OR56B1: variants seen among roughly 807,000 people sequenced by gnomAD.
The protein encoded by OR56B1 is olfactory receptor family 56 subfamily B member 1.
Under a neutral mutation model 11.4 loss-of-function variants are expected in OR56B1, and 13 were observed. The ratio of observed to expected loss-of-function variants is 1.14; its 90% CI spans 0.74 to 1.81. The LOEUF is 1.81. Ranked by LOEUF, OR56B1 falls within the 40% of genes most tolerant of loss-of-function variation. The pLI is 0.00. For synonymous variants in OR56B1, 158 were observed against 143.6 expected (o/e 1.10, Z -0.72); for missense variants, 434 against 379.3 (o/e 1.14, Z -1.20).
chr11:5,738,255 G>A lies in OR56B1; in HGVS notation c.*764G>A, dbSNP rs1364153712. 1 of 152,192 alleles carries A rather than the reference G, an allele frequency of 6.6e-6. No homozygotes were observed. The highest frequency in any genetic ancestry group is 1.9e-4 in the East Asian group (1 of 5,176). The allele number at this position is 152,192 out of a possible 1,614,324, so 9.4% of individuals were successfully genotyped here. The stretch of plus-strand genomic sequence containing the variant: ...TAGTTCAAGAGGAGACAGCATTTGG[G>A]CTATTTATTATTCTACTCCCAGCCT... On this transcript the variant is annotated 3_prime_UTR_variant, in exon 1 of 1. Transcript: ENST00000317121.
At position 5,736,963 on chromosome 11, in the gene OR56B1, A is replaced by C. The variant is rs1853925638; in HGVS notation, c.447A>C (p.Leu149Phe). ...ATCCATCAATTGTCACCAGTTCCTTAATCTTAAAAGCTACCCTGTTCATGG... is the reference window on the plus strand; with the variant it reads ...ATCCATCAATTGTCACCAGTTCCTTCATCTTAAAAGCTACCCTGTTCATGG... ...LRYPSIVTSS[L>F]ILKATLFMVL... Residue 149 changes from leucine to phenylalanine, a missense_variant, in exon 1 of 1, where the codon TTA (leucine) becomes TTC (phenylalanine). Leu to Phe is a conservative substitution (Grantham distance 22). Coordinates refer to ENST00000317121, the MANE Select transcript of OR56B1 (RefSeq NM_001005180.3). The C allele has an allele frequency of 1.2e-6, 2 of 1,613,930 alleles. No homozygotes were observed. The highest frequency in any genetic ancestry group is 2.7e-5 in the African/African-American group (2 of 74,908).
rs756130097 is a variant in OR56B1, at chr11:5,736,724, A to T, written c.208A>T (p.Ile70Phe). The T allele has an allele frequency of 1.2e-6, 2 of 1,613,964 alleles. No individual in the cohort carries two copies. The highest frequency in any genetic ancestry group is 1.7e-6 in the Non-Finnish European group (2 of 1,179,964). The change falls in exon 1 of 1, where the codon ATT becomes TTT. Residue 70 changes from isoleucine to phenylalanine, a missense_variant. By Grantham distance (21) the Ile-to-Phe change is conservative. Transcript: ENST00000317121. ...QNPSLQQPMY[I>F]FLGILCMVDM... Reference sequence around the variant, plus strand: ...CCCTTCTTTACAGCAGCCCATGTATATTTTCCTTGGCATCCTCTGTATGGT... The same window carrying T: ...CCCTTCTTTACAGCAGCCCATGTATTTTTTCCTTGGCATCCTCTGTATGGT...
Position 5,737,162 on chromosome 11 carries a change from A to C in OR56B1, c.646A>C (p.Met216Leu). 6.2e-7 allele frequency: 1 copy of C among 1,614,020 alleles called. No individual in the cohort carries two copies. Among genetic ancestry groups the C allele is most frequent in the Non-Finnish European group, 8.5e-7 (1 of 1,179,992 alleles). The change falls in exon 1 of 1, where the codon ATG (methionine) becomes CTG (leucine). Residue 216 changes from methionine to leucine, a missense_variant. By Grantham distance (15) the Met-to-Leu change is conservative. Coordinates refer to ENST00000317121, the MANE Select transcript of OR56B1 (RefSeq NM_001005180.3). Reference protein sequence around the residue: ...ICQLVLAWLGMGSDLSLIILS... With the variant: ...ICQLVLAWLGLGSDLSLIILS... ...CCAGTTGGTTCTGGCATGGCTTGGA[A>C]TGGGGAGTGATCTAAGTCTTATTAT... is the stretch of plus-strand genomic sequence containing the variant.
At position 5,737,343 on chromosome 11, in the gene OR56B1, A is replaced by G; in HGVS notation, c.827A>G (p.Lys276Arg). 1 of 1,614,098 alleles carries G rather than the reference A, an allele frequency of 6.2e-7. No individual in the cohort carries two copies. The highest frequency in any genetic ancestry group is 1.1e-5 in the South Asian group (1 of 91,080). Residue 276 changes from lysine to arginine, a missense_variant, in exon 1 of 1, where the codon AAG (lysine) becomes AGG (arginine). Physicochemically the swap from Lys to Arg is conservative, Grantham distance 26. Coordinates refer to ENST00000317121, the MANE Select transcript of OR56B1 (RefSeq NM_001005180.3). ...TCAGTGACTCATCTGACAGAGATGA[A>G]GGCTACTTTGATTCCAGTTCTACTT... ...VISVTHLTEMKATLIPVLLNV... is the reference protein window; with the variant it reads ...VISVTHLTEMRATLIPVLLNV...
In OR56B1 at chr11:5,737,073, G is replaced by C; in HGVS notation, c.557G>C (p.Cys186Ser). Residue 186 changes from cysteine to serine, a missense_variant, in exon 1 of 1, where the codon TGC becomes TCC. By Grantham distance (112) the Cys-to-Ser change is moderately radical. Coordinates refer to ENST00000317121, the MANE Select transcript of OR56B1 (RefSeq NM_001005180.3). ...DYCSKNEIEH[C>S]LCSNLGVTSL... Reference sequence around the variant, plus strand: ...TGCTCCAAGAATGAAATTGAACACTGCCTGTGCTCTAACCTTGGGGTCACA... The same window carrying C: ...TGCTCCAAGAATGAAATTGAACACTCCCTGTGCTCTAACCTTGGGGTCACA... 2 of 1,614,060 alleles carry C rather than the reference G, an allele frequency of 1.2e-6. No individual in the cohort carries two copies. The highest frequency in any genetic ancestry group is 1.3e-5 in the African/African-American group (1 of 75,032).
At position 5,736,792 on chromosome 11, in the gene OR56B1, C is replaced by T; in HGVS notation, c.276C>T (p.Ala92=). 8 of 1,614,044 alleles carry T rather than the reference C, an allele frequency of 5.0e-6. No homozygotes were observed. The highest frequency in any genetic ancestry group is 6.8e-6 in the Non-Finnish European group (8 of 1,180,006). ...LATTIIPKIL[A]IFWFDAKVIS... is the part of the protein sequence containing the mutation. ...CTACTATCATCCCTAAGATCCTGGC[C>T]ATCTTCTGGTTTGATGCCAAGGTTA... Residue 92 remains alanine, a synonymous_variant, in exon 1 of 1, where the codon GCC becomes GCT. Transcript: ENST00000317121.
Position 5,737,658 on chromosome 11 carries a change from A to C in OR56B1, c.*167A>C. 1 of 560,626 alleles carries C rather than the reference A, an allele frequency of 1.8e-6. No homozygotes were observed. The highest frequency in any genetic ancestry group is 4.4e-5 in the South Asian group (1 of 22,746). The allele number at this position is 560,626 out of a possible 1,614,324, so 34.7% of individuals were successfully genotyped here. The stretch of plus-strand genomic sequence containing the variant: ...GATACAAAAAATCACAGTAGCCTAA[A>C]ATATTGACAAAAGCTAAATATTTAA... On this transcript the variant is annotated 3_prime_UTR_variant, in exon 1 of 1. Transcript: ENST00000317121.
chr11:5,736,869 G>A lies in OR56B1; in HGVS notation c.353G>A (p.Gly118Asp). The A allele has an allele frequency of 1.2e-6, 2 of 1,613,938 alleles. No homozygotes were observed. The highest frequency in any genetic ancestry group is 1.7e-6 in the Non-Finnish European group (2 of 1,179,962). The change falls in exon 1 of 1, where the codon GGC becomes GAC. Residue 118 changes from glycine to aspartate, a missense_variant. Coordinates refer to ENST00000317121, the MANE Select transcript of OR56B1 (RefSeq NM_001005180.3). ...ATTTATGCCATTCACTTCTTTGTGG[G>A]CATGGAGTCTGGTATCCTACTCTGC... ...AQIYAIHFFV[G>D]MESGILLCMA...
chr11:5,737,105 G>T lies in OR56B1; in HGVS notation c.589G>T (p.Ala197Ser), dbSNP rs1853931588. The change falls in exon 1 of 1, where the codon GCT becomes TCT. Residue 197 changes from alanine (A) to serine (S), a missense_variant. By Grantham distance (99) the Ala-to-Ser change is moderately conservative (BLOSUM62 1). Transcript: ENST00000317121. ...LCSNLGVTSLACDDRRPNSIC... is the reference protein window; with the variant it reads ...LCSNLGVTSLSCDDRRPNSIC... ...CTCTAACCTTGGGGTCACAAGCCTG[G>T]CTTGTGATGACAGGAGGCCAAACAG... The T allele has an allele frequency of 1.9e-6, 3 of 1,613,926 alleles. No homozygotes were observed. The highest frequency in any genetic ancestry group is 1.1e-5 in the South Asian group (1 of 91,086).
In OR56B1 at chr11:5,736,772, A is replaced by G. The variant is rs74051091; in HGVS notation, c.256A>G (p.Ile86Val). 1.2e-3 allele frequency: 2,016 copies of G among 1,613,946 alleles called. 15 individuals are homozygous for G. In the African/African-American group the frequency reaches 0.022, roughly 18 times the overall value. ...GGTAGACATGGGTCTGGCCACTACT[A>G]TCATCCCTAAGATCCTGGCCATCTT... ...CMVDMGLATTIIPKILAIFWF... is the reference protein window; with the variant it reads ...CMVDMGLATTVIPKILAIFWF... Residue 86 changes from isoleucine (I) to valine (V), a missense_variant, in exon 1 of 1, where the codon ATC (isoleucine) becomes GTC (valine). Physicochemically the swap from Ile to Val is conservative, Grantham distance 29. Coordinates refer to ENST00000317121, the MANE Select transcript of OR56B1 (RefSeq NM_001005180.3).
chr11:5,736,809 C>A lies in OR56B1; in HGVS notation c.293C>A (p.Ala98Asp), dbSNP rs112823313. The stretch of plus-strand genomic sequence containing the variant: ...ATCCTGGCCATCTTCTGGTTTGATG[C>A]CAAGGTTATTAGCCTCCCTGAGTGC... ...PKILAIFWFDAKVISLPECFA... is the reference protein window; with the variant it reads ...PKILAIFWFDDKVISLPECFA... The change falls in exon 1 of 1, where the codon GCC (alanine) becomes GAC (aspartate). Residue 98 changes from alanine (A) to aspartate (D), a missense_variant. Coordinates refer to ENST00000317121, the MANE Select transcript of OR56B1 (RefSeq NM_001005180.3). The A allele has an allele frequency of 6.2e-7, 1 of 1,613,860 alleles. No homozygotes were observed. Among genetic ancestry groups the A allele is most frequent in the East Asian group, 2.2e-5 (1 of 44,864 alleles).
chr11:5,736,492 A>T lies in OR56B1; in HGVS notation c.-25A>T. On this transcript the variant is annotated 5_prime_UTR_variant, in exon 1 of 1. Transcript: ENST00000317121. The stretch of plus-strand genomic sequence containing the variant: ...TGTGATAACTGAGAACAATACAAAT[A>T]GAGATTTGAAATTCATGTTGAATCA... 1 of 1,608,384 alleles carries T rather than the reference A, an allele frequency of 6.2e-7. No individual in the cohort carries two copies. The highest frequency in any genetic ancestry group is 8.5e-7 in the Non-Finnish European group (1 of 1,175,186).
At position 5,736,997 on chromosome 11, in the gene OR56B1, A is replaced by C. The variant is rs138588921; in HGVS notation, c.481A>C (p.Asn161His). The C allele has an allele frequency of 4.5e-4, 719 of 1,614,166 alleles. 4 individuals carry two copies. In the African/African-American group the frequency reaches 8.2e-3, roughly 18 times the overall value. The change falls in exon 1 of 1, where the codon AAT becomes CAT. Residue 161 changes from asparagine to histidine, a missense_variant. Physicochemically the swap from Asn to His is moderately conservative, Grantham distance 68. Transcript: ENST00000317121. Reference protein sequence around the residue: ...LKATLFMVLRNGLFVTPVPVL... With the variant: ...LKATLFMVLRHGLFVTPVPVL... ...AGCTACCCTGTTCATGGTGCTGAGA[A>C]ATGGCTTATTTGTCACTCCAGTGCC... is the stretch of plus-strand genomic sequence containing the variant.
chr11:5,737,575 T>C lies in OR56B1; in HGVS notation c.*84T>C. ...CAAAGAGGATAAATGAGTAAGTGAA[T>C]ACCTTTGGGATTCCCTTTTTATATT... On this transcript the variant is annotated 3_prime_UTR_variant, in exon 1 of 1. Coordinates refer to ENST00000317121, the MANE Select transcript of OR56B1 (RefSeq NM_001005180.3). The C allele has an allele frequency of 7.9e-7, 1 of 1,269,742 alleles. No individual in the cohort carries two copies. The highest frequency in any genetic ancestry group is 1.6e-5 in the South Asian group (1 of 61,726). 78.7% of individuals were successfully genotyped at this position (1,269,742 alleles called of 1,614,324 possible).
rs777346076 is a variant in OR56B1 at position 5,737,305 on chromosome 11, T to C, written c.789T>C (p.Ile263=). The C allele has an allele frequency of 6.2e-7, 1 of 1,614,124 alleles. No homozygotes were observed. The highest frequency in any genetic ancestry group is 8.5e-7 in the Non-Finnish European group (1 of 1,179,956). Residue 263 remains isoleucine, a synonymous_variant, in exon 1 of 1, where the codon ATT becomes ATC. Transcript: ENST00000317121. ...CCCTCATCCTTTTCTTTTACACTATTGTTGTAGTGATTTCAGTGACTCATC... is the reference window on the plus strand; with the variant it reads ...CCCTCATCCTTTTCTTTTACACTATCGTTGTAGTGATTTCAGTGACTCATC... The part of the protein sequence containing the change: ...HLTLILFFYT[I]VVVISVTHLT...
rs780084774 is a variant in OR56B1 at position 5,737,413 on chromosome 11, T to A, written c.897T>A (p.Val299=). 6.2e-7 allele frequency: 1 copy of A among 1,614,068 alleles called. No individual in the cohort carries two copies. The highest frequency in any genetic ancestry group is 1.1e-5 in the South Asian group (1 of 91,074). The part of the protein sequence containing the change: ...NIIPPSLNPT[V]YALQTKELRA... The stretch of plus-strand genomic sequence containing the variant: ...TCCCCCCTTCCCTCAACCCTACAGT[T>A]TATGCACTTCAGACCAAAGAACTTA... The change falls in exon 1 of 1, where the codon GTT becomes GTA. Residue 299 remains valine, a synonymous_variant. Transcript: ENST00000317121.
Position 5,737,496 on chromosome 11 carries a change from C to T in OR56B1, c.*5C>T. On this transcript the variant is annotated 3_prime_UTR_variant, in exon 1 of 1. Transcript: ENST00000317121. The stretch of plus-strand genomic sequence containing the variant: ...ACAAAAGAAATAAGATCTTAGAGAC[C>T]TTCTCCATGATGTACATGAACCTCA... 4 of 1,602,086 alleles carry T rather than the reference C, an allele frequency of 2.5e-6. No homozygotes were observed. Among genetic ancestry groups the T allele is most frequent in the Non-Finnish European group, 3.4e-6 (4 of 1,173,630 alleles).
Position 5,737,139 on chromosome 11 carries a change from A to G in OR56B1, c.623A>G (p.Gln208Arg). The change falls in exon 1 of 1, where the codon CAG (glutamine) becomes CGG (arginine). Residue 208 changes from glutamine (Q) to arginine (R), a missense_variant. Coordinates refer to ENST00000317121, the MANE Select transcript of OR56B1 (RefSeq NM_001005180.3). ...GACAGGAGGCCAAACAGCATTTGCC[A>G]GTTGGTTCTGGCATGGCTTGGAATG... ...CDDRRPNSIC[Q>R]LVLAWLGMGS... 6.2e-7 allele frequency: 1 copy of G among 1,613,972 alleles called. No homozygotes were observed. The highest frequency in any genetic ancestry group is 8.5e-7 in the Non-Finnish European group (1 of 1,179,994).
Position 5,737,247 on chromosome 11 carries a change from C to T in OR56B1, c.731C>T (p.Ala244Val), listed in dbSNP as rs548303084. Residue 244 changes from alanine to valine, a missense_variant, in exon 1 of 1, where the codon GCC becomes GTC. Coordinates refer to ENST00000317121, the MANE Select transcript of OR56B1 (RefSeq NM_001005180.3). ...AGACTGAACTCAGCTGAAGCTGCAG[C>T]CAAGGCCCTGAGCACTTGTAGTTCA... ...VLRLNSAEAA[A>V]KALSTCSSHL... The T allele has an allele frequency of 7.4e-6, 12 of 1,614,126 alleles. No individual in the cohort carries two copies. The South Asian group carries it at 1.1e-4, about 15-fold the overall frequency.
Sources: allele counts gnomAD v4.1 joint callset, GRCh38; gene constraint gnomAD v4.1.1; transcripts MANE v1.5; gene names NCBI Gene and HGNC (gene_info 2026-07-23, HGNC 2026-07-21).